EIF4E2: variants seen among roughly 807,000 people sequenced by gnomAD.
EIF4E2 encodes the protein eukaryotic translation initiation factor 4E type 2.
EIF4E2 carries 13 observed loss-of-function variants against 34.2 expected under a neutral mutation model. The ratio of observed to expected loss-of-function variants is 0.38; its 90% CI spans 0.25 to 0.60. The LOEUF is 0.60. Among genes scored for constraint, EIF4E2 ranks in the 20% least tolerant of loss-of-function variants. EIF4E2 has a pLI of 0.62. For synonymous variants in EIF4E2, 100 were observed against 106.6 expected (o/e 0.94, Z 0.38); for missense variants, 222 against 315.1 (o/e 0.70, Z 2.24).
chr2:232,567,038 C>T, intron 5 of EIF4E2, 40 bp from the exon 6 acceptor site: 1 of 1,603,582 alleles, frequency 6.2e-7, no homozygotes, highest in East Asian at 2.2e-5. Context: ...TCCTCGCTGC[C>T]CCTGATTTGC....
chr2:232,562,747 G>A (rs1171939597), intron 3 of EIF4E2, among the ~76,000 whole-genome samples: 1 of 152,208 alleles, frequency 6.6e-6, no homozygotes, highest in African/African-American at 2.4e-5. Flanking sequence ...CCACTAGTGG[G>A]TGTACTTGGT....
At chr2:232,550,804 C>T in intron 1 of EIF4E2, 60 bp downstream of exon 1, 1 of 1,470,144 alleles carries the variant, frequency 6.8e-7, no homozygotes, top group Non-Finnish European at 9.1e-7. Flanking sequence ...CGCGCCCGCC[C>T]CCGCTGGGGC....
rs1692833972 is a variant in EIF4E2 at position 232,564,247 on chromosome 2, G to T, written c.271G>T (p.Val91Leu). 6.3e-7 allele frequency: 1 copy of T among 1,587,478 alleles called. No individual in the cohort carries two copies. Among genetic ancestry groups the T allele is most frequent in the Non-Finnish European group, 8.6e-7 (1 of 1,164,808 alleles). ...NIKQIGTFAS[V>L]EQFWRFYSHM... ...TTACTCTGGGGTCTTCTCTCTGCAG[G>T]TGGAGCAGTTCTGGAGGTTTTATAG... The change falls in exon 4 of 7, where the codon GTG becomes TTG. Residue 91 changes from valine to leucine, a missense_variant and splice_region_variant. Around this residue, in one of 3 missense-constraint regions of EIF4E2, gnomAD observed 105 missense variants for 195.1 expected, o/e 0.54. Transcript: ENST00000258416.
At position 232,578,541 on chromosome 2, in the gene EIF4E2, G is replaced by A. The variant is rs574706650; in HGVS notation, c.666-2363G>A. ...AGCTACTTGGGAGGCTGAGGCAGGA[G>A]AATCGCTTGAACCCAGGAGGCGGAG... On this transcript the variant is annotated intron_variant, in intron 6 of 6. Coordinates refer to the EIF4E2 transcript ENST00000409098. 8.6e-5 allele frequency among the ~76,000 whole-genome samples: 13 copies of A among 151,818 alleles called. No homozygotes were observed. The East Asian group carries it at 2.5e-3, about 30-fold the overall frequency.
downstream of EIF4E2, chr2:232,574,183 G>A: frequency 7.2e-7 from 1 of 1,384,880 alleles, no homozygotes; most frequent in Non-Finnish European, 1.0e-6. Flanking sequence ...AGGGGGATGT[G>A]GGGTTATTGT....
At position 232,581,251 on chromosome 2, in the gene EIF4E2, T is replaced by C. The variant is rs1693353965; in HGVS notation, c.*308T>C. On this transcript the variant is annotated 3_prime_UTR_variant, in exon 7 of 7. Coordinates refer to the EIF4E2 transcript ENST00000409098. The surrounding 1 kb of genome is among the most constrained non-coding windows in gnomAD (Gnocchi z 5.2). ...TCCAGATGCCTCTTGGGCGTCCTGT[T>C]GTTCTCTTCCCGTGTTGTACGAAGG... 4.2e-6 allele frequency: 2 copies of C among 480,168 alleles called. No homozygotes were observed. Among genetic ancestry groups the C allele is most frequent in the Non-Finnish European group, 7.8e-6 (2 of 255,926 alleles). The allele number at this position is 480,168 out of a possible 1,614,324, so 29.7% of individuals were successfully genotyped here.
At chr2:232,579,123 T>TACACACACACACACAC (rs71056276) in intron 6 of EIF4E2, among the ~76,000 whole-genome samples, 16 of 146,518 alleles carry the variant, frequency 1.1e-4, no homozygotes, top group Non-Finnish European at 1.7e-4. Context: ...AACTCAGAAA[T>TACACACACACACACAC]ACACACACAC....
chr2:232,555,143 C>CA (rs1262477077), intron 1 of EIF4E2, among the ~76,000 whole-genome samples: 7 of 151,530 alleles, frequency 4.6e-5, no homozygotes, highest in East Asian at 1.9e-4. Flanking sequence ...GATTCGTGGG[C>CA]AAAAAAAACC....
At chr2:232,550,843 C>A in intron 1 of EIF4E2, 99 bp downstream of exon 1, 1 of 1,215,582 alleles carries the variant, frequency 8.2e-7, no homozygotes, top group Non-Finnish European at 1.1e-6. Flanking sequence ...GCGGCACCGG[C>A]TTCCCTGCTG....
intron 6 of EIF4E2, chr2:232,567,997 A>G: frequency 1.0e-6 from 1 of 975,962 alleles, no homozygotes; most frequent in Non-Finnish European, 1.2e-6. Flanking sequence ...TGTGCCTTTG[A>G]CAAGTGTCTT....
chr2:232,569,138 A>G lies in EIF4E2; in HGVS notation c.*121A>G, dbSNP rs1270671557. ...ACAAGAGGAATTGGAAGAGCATTTT[A>G]TGTTTTAAGAACAGGCTGACACGCA... On this transcript the variant is annotated 3_prime_UTR_variant, in exon 7 of 7. Coordinates refer to ENST00000258416, the MANE Select transcript of EIF4E2 (RefSeq NM_004846.4). 3 of 1,500,836 alleles carry G rather than the reference A, an allele frequency of 2.0e-6. No individual in the cohort carries two copies. Among genetic ancestry groups the G allele is most frequent in the Non-Finnish European group, 2.7e-6 (3 of 1,124,262 alleles). 93.0% of individuals were successfully genotyped at this position (1,500,836 alleles called of 1,614,324 possible). A position where few individuals can be genotyped will look rare whatever the true frequency, so the allele number is the denominator to read the frequency against.
At chr2:232,574,487 C>A in intron 6 of EIF4E2, 1 of 812,392 alleles carries the variant, frequency 1.2e-6, no homozygotes, top group South Asian at 1.7e-5. Flanking sequence ...TCTCATCCTC[C>A]CTGGGTCCCA....
intron 6 of EIF4E2, chr2:232,580,759 C>A: frequency 1.4e-6 from 1 of 704,430 alleles, no homozygotes; most frequent in Non-Finnish European, 2.3e-6. Context: ...GCCGTTTTGG[C>A]ATTAGATTGG....
chr2:232,567,290 T>G lies in EIF4E2; in HGVS notation c.665+76T>G, dbSNP rs189317158. On this transcript the variant is annotated intron_variant, in intron 6 of 6. Transcript: ENST00000258416. Reference sequence around the variant, plus strand: ...AGATCTGTAGTTGGGCCCAGAGGAATATGGCCGGACAGGAGACTTACTTGT... The same window carrying G: ...AGATCTGTAGTTGGGCCCAGAGGAAGATGGCCGGACAGGAGACTTACTTGT... 3.4e-4 allele frequency: 547 copies of G among 1,591,672 alleles called. 2 individuals are homozygous for G. In the African/African-American group the frequency reaches 6.7e-3, roughly 20 times the overall value.
chr2:232,565,639 A>G (rs1692894645), intron 4 of EIF4E2, among the ~76,000 whole-genome samples: 1 of 151,956 alleles, frequency 6.6e-6, no homozygotes, highest in African/African-American at 2.4e-5. Context: ...ATCTCAAAAA[A>G]AGAAAAGAAA....
chr2:232,554,430 C>T (rs1037148521), intron 1 of EIF4E2, among the ~76,000 whole-genome samples: 2 of 152,102 alleles, frequency 1.3e-5, no homozygotes, highest in African/African-American at 4.8e-5. Context: ...CATGCTGAGG[C>T]GTGGGTATAT....
intron 1 of EIF4E2, among the ~76,000 whole-genome samples, chr2:232,551,796 CAG>C (rs1559310812): frequency 1.3e-5 from 2 of 152,188 alleles, no homozygotes; most frequent in African/African-American, 4.8e-5. Flanking sequence ...GTTTCCAATA[CAG>C]AGAGTACTGT....
At chr2:232,551,087 C>T in intron 1 of EIF4E2, 1 of 616,146 alleles carries the variant, frequency 1.6e-6, no homozygotes, top group Non-Finnish European at 3.1e-6. Flanking sequence ...TGGGTGTTTC[C>T]GCAGTCTGGC....
intron 2 of EIF4E2, 125 bp downstream of exon 2, chr2:232,556,655 G>C (rs1243579343): frequency 4.3e-6 from 3 of 701,360 alleles, no homozygotes; most frequent in African/African-American, 1.8e-5. Context: ...ATCTGACTTT[G>C]TTCTCAGAAA....
Sources: allele counts gnomAD v4.1 joint callset (sites outside exome capture counted in the v4.1 genomes callset), GRCh38; gene constraint gnomAD v4.1.1; regional missense constraint gnomAD v4.1.1; non-coding constraint Gnocchi (gnomAD v3.1); transcripts MANE v1.5; gene names NCBI Gene and HGNC (gene_info 2026-07-23, HGNC 2026-07-21).